The following NUMA1 variants were observed in gnomAD, a reference collection of about 807,000 sequenced individuals.
NUMA1 encodes nuclear mitotic apparatus protein 1.
A neutral mutation model predicts 237.1 loss-of-function variants in NUMA1; 62 were observed. The ratio of observed to expected loss-of-function variants is 0.26; its 90% CI spans 0.21 to 0.32. NUMA1 has a LOEUF of 0.32. NUMA1 is among the 10% of genes least tolerant of loss of function. NUMA1 has a pLI of 1.00. For missense variants in NUMA1, 2,533 were observed against 2,666.5 expected (o/e 0.95, Z 1.10); for synonymous variants, 1,028 against 1,066.1 (o/e 0.96, Z 0.70).
intron 4 of NUMA1, among the ~76,000 whole-genome samples, chr11:72,026,993 G>C (rs557050292): frequency 1.3e-5 from 2 of 152,250 alleles, no homozygotes; most frequent in South Asian, 4.1e-4. Context: ...AAGACAACTT[G>C]CAAATGAGCA....
chr11:72,003,236 C>T lies in NUMA1; in HGVS notation c.*291G>A. ...GGCCCAAGGACCCAGCCATCAAAAC[C>T]AGCCTCAAATCTGGTTGTGATGGAG... On this transcript the variant is annotated 3_prime_UTR_variant, in exon 27 of 27. Transcript: ENST00000393695. 2.1e-6 allele frequency: 1 copy of T among 478,582 alleles called. No homozygotes were observed. The highest frequency in any genetic ancestry group is 3.8e-6 in the Non-Finnish European group (1 of 263,538). 29.6% of individuals were successfully genotyped at this position (478,582 alleles called of 1,614,324 possible). A position where few individuals can be genotyped will look rare whatever the true frequency, so the allele number is the denominator to read the frequency against.
intron 4 of NUMA1, among the ~76,000 whole-genome samples, chr11:72,027,861 G>A (rs777719146): frequency 6.6e-6 from 1 of 152,334 alleles, no homozygotes; most frequent in South Asian, 2.1e-4. Context: ...CGCTGGATGT[G>A]AGCAGAGAGG....
chr11:72,033,161 T>C (rs1419727897), intron 3 of NUMA1, among the ~76,000 whole-genome samples: 1 of 152,158 alleles, frequency 6.6e-6, no homozygotes, highest in Admixed American at 6.5e-5. Flanking sequence ...TATTTATATA[T>C]ATTTTTAAGA....
chr11:72,010,706 C>T (rs1956094727), intron 17 of NUMA1, 80 bp downstream of exon 17: 13 of 1,425,998 alleles, frequency 9.1e-6, no homozygotes, highest in Non-Finnish European at 1.3e-5. Flanking sequence ...TCTGCCCCGA[C>T]ACCCCCCACG....
intron 2 of NUMA1, among the ~76,000 whole-genome samples, chr11:72,056,424 C>G (rs1156353027): frequency 5.3e-5 from 8 of 150,366 alleles, no homozygotes; most frequent in African/African-American, 2.0e-4. Flanking sequence ...CAGTTTCAAG[C>G]GATTCTCCTG....
chr11:72,049,965 C>T (rs1180501205), intron 2 of NUMA1, among the ~76,000 whole-genome samples: 1 of 151,538 alleles, frequency 6.6e-6, no homozygotes, highest in African/African-American at 2.4e-5. Flanking sequence ...GGTGTTCTTT[C>T]AAAAAAAATA....
chr11:72,010,914 G>T (rs1956115551), intron 16 of NUMA1, 60 bp from the exon 17 acceptor site: 3 of 1,442,924 alleles, frequency 2.1e-6, no homozygotes, highest in Non-Finnish European at 2.9e-6. Context: ...GTTCATCCTG[G>T]ATGTCCACCC....
At chr11:72,036,843 C>G (rs1177315114) in intron 2 of NUMA1, among the ~76,000 whole-genome samples, 2 of 152,150 alleles carry the variant, frequency 1.3e-5, no homozygotes, top group African/African-American at 4.8e-5. Context: ...AAATATTCAC[C>G]AACACCTCCT....
At chr11:72,010,351 G>T (rs1428170812) in intron 17 of NUMA1, among the ~76,000 whole-genome samples, 1 of 152,188 alleles carries the variant, frequency 6.6e-6, no homozygotes, top group Non-Finnish European at 1.5e-5. Flanking sequence ...TTCAACACTG[G>T]TGACACTCTC....
chr11:72,041,033 AGG>A, intron 2 of NUMA1: 1 of 152,168 alleles, frequency 6.6e-6, no homozygotes, highest in East Asian at 1.9e-4. Context: ...GAGAGGAGGA[AGG>A]GGGGGCCAGT....
At position 72,059,453 on chromosome 11, in the gene NUMA1, G is replaced by A. The variant is rs1942830756; in HGVS notation, c.-33+10389C>T. On this transcript the variant is annotated intron_variant, in intron 2 of 26. Coordinates refer to ENST00000393695, the MANE Select transcript of NUMA1 (RefSeq NM_006185.4). ...ACCATACCCAGCTAATTTATTTGTA[G>A]AGATGGGATTTCACCATGTTGCCCA... 2.6e-5 allele frequency among the ~76,000 whole-genome samples: 4 copies of A among 152,094 alleles called. No homozygotes were observed. The South Asian group carries it at 8.3e-4, about 32-fold the overall frequency.
rs1938974847 is a variant in NUMA1, at chr11:72,022,330, A to T, written c.372+9T>A. On this transcript the variant is annotated intron_variant, in intron 7 of 26. Coordinates refer to ENST00000393695, the MANE Select transcript of NUMA1 (RefSeq NM_006185.4). ...GCCTGCTAGGTGGCATGGAGGCACA[A>T]GGGCTTACCTGAATTTTATATTCAA... is the stretch of plus-strand genomic sequence containing the variant. The T allele has an allele frequency of 6.2e-7, 1 of 1,603,942 alleles. No homozygotes were observed. Among genetic ancestry groups the T allele is most frequent in the African/African-American group, 1.3e-5 (1 of 74,754 alleles).
chr11:72,015,214 C>T lies in NUMA1; in HGVS notation c.2289G>A (p.Gly763=). 6.2e-7 allele frequency: 1 copy of T among 1,613,534 alleles called. No homozygotes were observed. The highest frequency in any genetic ancestry group is 8.5e-7 in the Non-Finnish European group (1 of 1,180,044). Residue 763 remains glycine (G), a synonymous_variant, in exon 15 of 27, where the codon GGG becomes GGA. Coordinates refer to ENST00000393695, the MANE Select transcript of NUMA1 (RefSeq NM_006185.4). The surrounding 1 kb of genome is among the most constrained non-coding windows in gnomAD (Gnocchi z 4.0). ...GTAATCGAGCCTCCAGCCCCTTGCGCCCAGCCCTCTCTTCTTCCAGCTCCT... is the reference window on the plus strand; with the variant it reads ...GTAATCGAGCCTCCAGCCCCTTGCGTCCAGCCCTCTCTTCTTCCAGCTCCT... The part of the protein sequence containing the change: ...ERKELEEERA[G]RKGLEARLQQ...
chr11:72,052,263 G>A (rs930640914), intron 2 of NUMA1, among the ~76,000 whole-genome samples: 1 of 152,192 alleles, frequency 6.6e-6, no homozygotes, highest in Non-Finnish European at 1.5e-5. Context: ...TTAAAGGAGC[G>A]TGAGGGACTA....
intron 7 of NUMA1, 94 bp downstream of exon 7, chr11:72,022,245 A>G: frequency 1.4e-6 from 1 of 708,460 alleles, no homozygotes; most frequent in Non-Finnish European, 2.4e-6. Context: ...TGTATTTTTA[A>G]AAAGTCCAGT....
rs562557094 is a variant in NUMA1 at position 72,059,437 on chromosome 11, A to G, written c.-33+10405T>C. Among the ~76,000 whole-genome samples, 5 of 152,208 alleles carry G rather than the reference A, an allele frequency of 3.3e-5. No individual in the cohort carries two copies. In the East Asian group the frequency reaches 9.6e-4, roughly 29 times the overall value. ...ACTAAAGGTGCGCACCACCATACCC[A>G]GCTAATTTATTTGTAGAGATGGGAT... On this transcript the variant is annotated intron_variant, in intron 2 of 26. Transcript: ENST00000393695.
At chr11:72,017,631 G>C (rs778620142) in intron 13 of NUMA1, 56 bp downstream of exon 13, 31 of 1,601,708 alleles carry the variant, frequency 1.9e-5, no homozygotes, top group Non-Finnish European at 2.6e-5. Flanking sequence ...TGGTAAACTG[G>C]ACTCAGCTTT....
At chr11:72,038,832 C>T (rs1195525424) in intron 2 of NUMA1, among the ~76,000 whole-genome samples, 1 of 151,864 alleles carries the variant, frequency 6.6e-6, no homozygotes, top group Non-Finnish European at 1.5e-5. Flanking sequence ...AAAGGCCAGG[C>T]CCTCTGAGGG....
Position 72,035,826 on chromosome 11 carries a change from C to G in NUMA1, c.42+76G>C, listed in dbSNP as rs577018510. On this transcript the variant is annotated intron_variant, in intron 3 of 26. Coordinates refer to ENST00000393695, the MANE Select transcript of NUMA1 (RefSeq NM_006185.4). The stretch of plus-strand genomic sequence containing the variant: ...GAGAAGACTTTACATAGCCCTGGCT[C>G]CTACAAAACTCCTCTCCTAACTCTC... 11 of 1,339,882 alleles carry G rather than the reference C, an allele frequency of 8.2e-6. No homozygotes were observed. The African/African-American group carries it at 1.4e-4, about 17-fold the overall frequency. The allele number at this position is 1,339,882 out of a possible 1,614,324, so 83.0% of individuals were successfully genotyped here.
Sources: gnomAD v4.1 joint callset for allele counts (sites outside exome capture counted in the v4.1 genomes callset) on GRCh38, gnomAD v4.1.1 for gene constraint, Gnocchi (gnomAD v3.1) non-coding constraint, MANE v1.5 for transcripts, NCBI Gene and HGNC (gene_info 2026-07-23, HGNC 2026-07-21) for gene names.